The following CADM1 variants were observed in gnomAD, a reference collection of about 807,000 sequenced individuals.
CADM1 encodes TSLC-1.
A neutral mutation model predicts 53.1 loss-of-function variants in CADM1; 15 were observed. The observed-to-expected ratio is 0.28, with a 90% confidence interval of 0.19 to 0.44. CADM1 has a LOEUF of 0.44. Ranked by LOEUF, CADM1 falls within the 20% of genes least tolerant of loss-of-function variation. The probability of loss-of-function intolerance (pLI) is 1.00; values close to 1 mark genes in which losing one functional copy is unlikely to be tolerated. For synonymous variants in CADM1, 281 were observed against 243.0 expected (o/e 1.16, Z -1.45); for missense variants, 434 against 611.3 (o/e 0.71, Z 3.06).
At chr11:115,231,700 A>C (rs1164523581) in intron 3 of CADM1, among the ~76,000 whole-genome samples, 1 of 152,244 alleles carries the variant, frequency 6.6e-6, no homozygotes, top group Non-Finnish European at 1.5e-5. Flanking sequence ...TAAAATAACC[A>C]GTGTGGCTGG....
intron 1 of CADM1, among the ~76,000 whole-genome samples, chr11:115,459,011 G>A (rs1025482225): frequency 6.6e-6 from 1 of 152,156 alleles, no homozygotes; most frequent in Admixed American, 6.5e-5. Flanking sequence ...GAAACCTCTC[G>A]AGAGCCAAAG....
intron 1 of CADM1, among the ~76,000 whole-genome samples, chr11:115,351,640 G>C (rs1945740035): frequency 6.6e-6 from 1 of 152,192 alleles, no homozygotes; most frequent in Non-Finnish European, 1.5e-5. Context: ...GCTTGAGGCA[G>C]AGAGAAGCAA....
chr11:115,404,433 A>C (rs1391687628), intron 1 of CADM1, among the ~76,000 whole-genome samples: 1 of 143,418 alleles, frequency 7.0e-6, no homozygotes, highest in Non-Finnish European at 1.5e-5. Context: ...TAGGTTAACA[A>C]AAGTAAAACG....
intron 1 of CADM1, among the ~76,000 whole-genome samples, chr11:115,384,326 C>A (rs1946647470): frequency 6.6e-6 from 1 of 152,078 alleles, no homozygotes; most frequent in Admixed American, 6.6e-5. Flanking sequence ...CTTCTGCTTA[C>A]CAACTCTTTT....
At chr11:115,234,712 G>A (rs531521409) in intron 3 of CADM1, among the ~76,000 whole-genome samples, 2 of 152,054 alleles carry the variant, frequency 1.3e-5, no homozygotes, top group African/African-American at 4.8e-5. Flanking sequence ...GGCCAACATG[G>A]TGAAACCCTG....
intron 1 of CADM1, among the ~76,000 whole-genome samples, chr11:115,417,992 A>G (rs951021514): frequency 6.6e-6 from 1 of 152,216 alleles, no homozygotes; most frequent in Admixed American, 6.5e-5. Flanking sequence ...GGGTCTGACT[A>G]TATAACATCT....
chr11:115,436,492 C>T (rs892192211), intron 1 of CADM1, among the ~76,000 whole-genome samples: 1 of 152,168 alleles, frequency 6.6e-6, no homozygotes, highest in Non-Finnish European at 1.5e-5. Flanking sequence ...GCTCTATGTT[C>T]CACGTTCCCT....
intron 6 of CADM1, among the ~76,000 whole-genome samples, chr11:115,215,741 C>T (rs1400699094): frequency 6.6e-6 from 1 of 152,218 alleles, no homozygotes; most frequent in Non-Finnish European, 1.5e-5. Flanking sequence ...CCCTCAACCT[C>T]CTATGAAGTT....
chr11:115,318,010 AC>A (rs1944718432), intron 1 of CADM1, among the ~76,000 whole-genome samples: 1 of 151,864 alleles, frequency 6.6e-6, no homozygotes, highest in African/African-American at 2.4e-5. Context: ...ACACACACAC[AC>A]ACACAATAAA....
chr11:115,488,755 TCA>T (rs1433500902), intron 1 of CADM1, among the ~76,000 whole-genome samples: 1 of 152,214 alleles, frequency 6.6e-6, no homozygotes, highest in Non-Finnish European at 1.5e-5. Context: ...CAGTCCTATT[TCA>T]CAGACTGTAT....
chr11:115,404,251 A>G (rs11215540), intron 1 of CADM1, among the ~76,000 whole-genome samples: 52,127 of 143,636 alleles, frequency 0.36, 10,062 homozygotes, highest in Non-Finnish European at 0.44. Context: ...GCTTGAACCC[A>G]GGAGGTGGAG....
intron 11 of CADM1, among the ~76,000 whole-genome samples, chr11:115,178,135 G>A (rs1042307236): frequency 3.3e-5 from 5 of 152,130 alleles, no homozygotes; most frequent in Non-Finnish European, 7.4e-5. Flanking sequence ...ACATATTTAT[G>A]CGGCTTTTAA....
At position 115,400,661 on chromosome 11, in the gene CADM1, GTATATATATATATATATATATATA is replaced by G. The variant is rs372594262; in HGVS notation, c.124+103586_124+103609del. Among the ~76,000 whole-genome samples the G allele has an allele frequency of 4.4e-3, 203 of 46,576 alleles. 5 individuals are homozygous for G. Among genetic ancestry groups the G allele is most frequent in the South Asian group, 0.035 (42 of 1,186 alleles). 30.6% of individuals were successfully genotyped at this position (46,576 alleles called of 152,430 possible). A position where few individuals can be genotyped will look rare whatever the true frequency, so the allele number is the denominator to read the frequency against. On this transcript the variant is annotated intron_variant, in intron 1 of 11. Transcript: ENST00000331581. ...TATATGTGTGTGTGTGTGTGTGTGT[GTATATATATATATATATATATATA>G]TATATATATATATATATATATGCTT...
chr11:115,357,393 T>C (rs1181357060), intron 1 of CADM1, among the ~76,000 whole-genome samples: 1 of 152,168 alleles, frequency 6.6e-6, no homozygotes, highest in East Asian at 1.9e-4. Flanking sequence ...TCCCATTGTG[T>C]TGAAAGTGTG....
intron 1 of CADM1, among the ~76,000 whole-genome samples, chr11:115,357,908 C>T (rs1027129558): frequency 4.6e-5 from 7 of 152,058 alleles, no homozygotes; most frequent in Admixed American, 2.0e-4. Context: ...CTTTTGGGAG[C>T]TTACAGTCCA....
chr11:115,174,475 G>A lies in CADM1; in HGVS notation c.*1999C>T. The A allele has an allele frequency of 1.0e-6, 1 of 985,672 alleles. No individual in the cohort carries two copies. Among genetic ancestry groups the A allele is most frequent in the Non-Finnish European group, 1.2e-6 (1 of 829,858 alleles). 61.1% of individuals were successfully genotyped at this position (985,672 alleles called of 1,614,324 possible). ...TTGTGGCTTTTTGTCTTGGTTAAGTGCCTAGGGATAGGGGAGGGGTAAATA... is the reference window on the plus strand; with the variant it reads ...TTGTGGCTTTTTGTCTTGGTTAAGTACCTAGGGATAGGGGAGGGGTAAATA... On this transcript the variant is annotated 3_prime_UTR_variant, in exon 12 of 12. Transcript: ENST00000331581.
chr11:115,199,359 G>GT (rs544854329), intron 8 of CADM1, among the ~76,000 whole-genome samples: 237 of 152,170 alleles, frequency 1.6e-3, no homozygotes, highest in African/African-American at 5.5e-3. Flanking sequence ...TTTTGTTTTT[G>GT]TTTTTTTCTT....
chr11:115,262,046 T>C (rs1942990283), intron 1 of CADM1, among the ~76,000 whole-genome samples: 1 of 152,182 alleles, frequency 6.6e-6, no homozygotes, highest in South Asian at 2.1e-4. Context: ...CCCAAAGTGC[T>C]GGGATTACAG....
chr11:115,251,458 G>A (rs562718341), intron 1 of CADM1, among the ~76,000 whole-genome samples: 1 of 148,742 alleles, frequency 6.7e-6, no homozygotes, highest in Non-Finnish European at 1.5e-5. Flanking sequence ...ATTGGGAAGT[G>A]GGAGGGGAGA....
Sources: gnomAD v4.1 joint callset for allele counts (sites outside exome capture counted in the v4.1 genomes callset) on GRCh38, gnomAD v4.1.1 for gene constraint, MANE v1.5 for transcripts, NCBI Gene and HGNC (gene_info 2026-07-23, HGNC 2026-07-21) for gene names.